The following COMP variants were observed in gnomAD, a reference collection of about 807,000 sequenced individuals.
COMP encodes cartilage oligomeric matrix protein (pseudoachondroplasia, epiphyseal dysplasia 1, multiple).
Under a neutral mutation model 95.8 loss-of-function variants are expected in COMP, and 79 were observed. The ratio of observed to expected loss-of-function variants is 0.82; its 90% CI spans 0.69 to 0.99. The LOEUF is 0.99. COMP is among the 50% of genes least tolerant of loss of function. The probability of loss-of-function intolerance (pLI) is 0.00; values close to 1 mark genes in which losing one functional copy is unlikely to be tolerated. For synonymous variants in COMP, 438 were observed against 433.9 expected (o/e 1.01, Z -0.12); for missense variants, 906 against 1,076.1 (o/e 0.84, Z 2.21).
chr19:18,785,457 G>T, intron 15 of COMP, 41 bp downstream of exon 15: 1 of 1,611,218 alleles, frequency 6.2e-7, no homozygotes, highest in Non-Finnish European at 8.5e-7. Flanking sequence ...CTCTCCCTGA[G>T]CCCGCTCCGT....
At position 18,790,566 on chromosome 19, in the gene COMP, C is replaced by A; in HGVS notation, c.213G>T (p.Ala71=). The change falls in exon 3 of 19, where the codon GCG becomes GCT. Residue 71 remains alanine, a synonymous_variant. Coordinates refer to ENST00000222271, the MANE Select transcript of COMP (RefSeq NM_000095.3). ...CGACCGCCCCGCCGCGCTCACCGCACGCGTCACACTCCATCACCGTGTTTT... is the reference window on the plus strand; with the variant it reads ...CGACCGCCCCGCCGCGCTCACCGCAAGCGTCACACTCCATCACCGTGTTTT... ...FLKNTVMECD[A]CGMQQSVRTG... The A allele has an allele frequency of 6.2e-7, 1 of 1,613,924 alleles. No homozygotes were observed. The highest frequency in any genetic ancestry group is 8.5e-7 in the Non-Finnish European group (1 of 1,179,902).
chr19:18,785,728 A>G lies in COMP; in HGVS notation c.1613T>C (p.Val538Ala). Reference sequence around the variant, plus strand: ...CTGCGCGTCACCCTCCGGGTCCAGCACGACTGTCTGGAAGGCCCTGAAGTC... The same window carrying G: ...CTGCGCGTCACCCTCCGGGTCCAGCGCGACTGTCTGGAAGGCCCTGAAGTC... Reference protein sequence around the residue: ...LTDFRAFQTVVLDPEGDAQID... With the variant: ...LTDFRAFQTVALDPEGDAQID... The change falls in exon 14 of 19, where the codon GTG becomes GCG. Residue 538 changes from valine (V) to alanine (A), a missense_variant. Physicochemically the swap from Val to Ala is moderately conservative, Grantham distance 64 (BLOSUM62 0). Transcript: ENST00000222271. 1 of 1,613,536 alleles carries G rather than the reference A, an allele frequency of 6.2e-7. No individual in the cohort carries two copies. Among genetic ancestry groups the G allele is most frequent in the South Asian group, 1.1e-5 (1 of 91,082 alleles).
At chr19:18,783,223 G>C in intron 17 of COMP, 30 bp from the exon 18 acceptor site, 3 of 1,603,058 alleles carry the variant, frequency 1.9e-6, no homozygotes, top group South Asian at 2.2e-5. Context: ...AGGCCTGGGG[G>C]ACCTGGGCCA....
rs200870935 is a variant in COMP, at chr19:18,785,707, G to A, written c.1634C>T (p.Ala545Val). Residue 545 changes from alanine to valine, a missense_variant, in exon 14 of 19, where the codon GCG becomes GTG. Ala to Val is a moderately conservative substitution (Grantham distance 64, BLOSUM62 0). Transcript: ENST00000222271. ...QTVVLDPEGD[A>V]QIDPNWVVLN... is the part of the protein sequence containing the mutation. Reference sequence around the variant, plus strand: ...CACCACCCAGTTGGGGTCAATCTGCGCGTCACCCTCCGGGTCCAGCACGAC... The same window carrying A: ...CACCACCCAGTTGGGGTCAATCTGCACGTCACCCTCCGGGTCCAGCACGAC... The A allele has an allele frequency of 3.7e-6, 6 of 1,613,372 alleles. No homozygotes were observed. The Admixed American group carries it at 8.3e-5, about 22-fold the overall frequency.
chr19:18,789,370 C>G lies in COMP; in HGVS notation c.391-73G>C, dbSNP rs2055193859. On this transcript the variant is annotated intron_variant, in intron 4 of 18. Transcript: ENST00000222271. The surrounding 1 kb of genome is among the most constrained non-coding windows in gnomAD (Gnocchi z 6.1). ...CTGGGGGCCGCACCTCGTAGTGTCT[C>G]GGATGTGGAAAGTTCAAGGGCCATA... 3 of 1,381,100 alleles carry G rather than the reference C, an allele frequency of 2.2e-6. No homozygotes were observed. Among genetic ancestry groups the G allele is most frequent in the Non-Finnish European group, 2.8e-6 (3 of 1,052,634 alleles). 85.6% of individuals were successfully genotyped at this position (1,381,100 alleles called of 1,614,324 possible).
chr19:18,782,907 C>T lies in COMP; in HGVS notation c.*8G>A, dbSNP rs762720044. The T allele has an allele frequency of 1.4e-5, 22 of 1,610,994 alleles. No homozygotes were observed. The highest frequency in any genetic ancestry group is 1.8e-5 in the Non-Finnish European group (21 of 1,179,980). Reference sequence around the variant, plus strand: ...TGGCTGTCATCCGGCGGGTCCTCACCCTGGTCCCTAGGCTTGCCGCAGCTG... The same window carrying T: ...TGGCTGTCATCCGGCGGGTCCTCACTCTGGTCCCTAGGCTTGCCGCAGCTG... On this transcript the variant is annotated 3_prime_UTR_variant, in exon 19 of 19. Coordinates refer to ENST00000222271, the MANE Select transcript of COMP (RefSeq NM_000095.3).
chr19:18,788,218 A>C lies in COMP; in HGVS notation c.969T>G (p.Asn323Lys). ...DPDADGDGVP[N>K]EKDNCPLVRN... ...TGCCGAGCCGTAGATCTACCTTTTCATTGGGGACCCCGTCCCCGTCGGCAT... is the reference window on the plus strand; with the variant it reads ...TGCCGAGCCGTAGATCTACCTTTTCCTTGGGGACCCCGTCCCCGTCGGCAT... The change falls in exon 9 of 19, where the codon AAT (asparagine) becomes AAG (lysine). Residue 323 changes from asparagine (N) to lysine (K), a missense_variant. Asn to Lys is a moderately conservative substitution (Grantham distance 94). Transcript: ENST00000222271. The surrounding 1 kb of genome is among the most constrained non-coding windows in gnomAD (Gnocchi z 4.7). The C allele has an allele frequency of 6.2e-7, 1 of 1,612,436 alleles. No individual in the cohort carries two copies. The highest frequency in any genetic ancestry group is 8.5e-7 in the Non-Finnish European group (1 of 1,179,528).
At position 18,785,553 on chromosome 19, in the gene COMP, G is replaced by A. The variant is rs1479938375; in HGVS notation, c.1669-7C>T. On this transcript the variant is annotated splice_polypyrimidine_tract_variant and splice_region_variant and intron_variant, in intron 14 of 18. Transcript: ENST00000222271. ...TCTGCACGATCTCCCTTCCCTGATGGGGTCAAAGAAAGGAGGGCCTCAGGC... is the reference window on the plus strand; with the variant it reads ...TCTGCACGATCTCCCTTCCCTGATGAGGTCAAAGAAAGGAGGGCCTCAGGC... 2.5e-6 allele frequency: 4 copies of A among 1,614,034 alleles called. No individual in the cohort carries two copies. Among genetic ancestry groups the A allele is most frequent in the Non-Finnish European group, 1.7e-6 (2 of 1,180,030 alleles).
intron 1 of COMP, 57 bp downstream of exon 1, chr19:18,791,134 G>C (rs936692220): frequency 4.5e-6 from 7 of 1,541,964 alleles, no homozygotes; most frequent in Non-Finnish European, 6.1e-6. Context: ...GGCCTCTCAC[G>C]GGTCCTACAG....
Position 18,786,026 on chromosome 19 carries a change from T to G in COMP, c.1428A>C (p.Gly476=). 6.2e-7 allele frequency: 1 copy of G among 1,613,476 alleles called. No homozygotes were observed. Among genetic ancestry groups the G allele is most frequent in the Non-Finnish European group, 8.5e-7 (1 of 1,179,954 alleles). ...DACDDDDDND[G]VPDSRDNCRL... ...GGCAGTTGTCCCGACTGTCAGGGAC[T>G]CCGTCATTGTCGTCGTCGTCGTCGC... Residue 476 remains glycine, a synonymous_variant, in exon 13 of 19, where the codon GGA becomes GGC. Coordinates refer to ENST00000222271, the MANE Select transcript of COMP (RefSeq NM_000095.3).
intron 9 of COMP, among the ~76,000 whole-genome samples, chr19:18,787,890 C>T (rs983637870): frequency 1.2e-5 from 1 of 86,202 alleles, no homozygotes; most frequent in African/African-American, 3.8e-5. Flanking sequence ...TTCTTTCTTT[C>T]TTTCTTTCTT....
In COMP at chr19:18,790,034, C is replaced by T. The variant is rs1462257769; in HGVS notation, c.298G>A (p.Val100Met). Reference protein sequence around the residue: ...HCAPGFCFPGVACIQTESGAR... With the variant: ...HCAPGFCFPGMACIQTESGAR... ...CCGCTCTCCGTCTGGATGCAGGCCA[C>T]GCCGGGGAAGCAGAAGCCGGGCGCG... Residue 100 changes from valine (V) to methionine (M), a missense_variant, in exon 4 of 19, where the codon GTG (valine) becomes ATG (methionine). Val to Met is a conservative substitution (Grantham distance 21). Transcript: ENST00000222271. 6.4e-7 allele frequency: 1 copy of T among 1,574,374 alleles called. No homozygotes were observed. Among genetic ancestry groups the T allele is most frequent in the Non-Finnish European group, 8.6e-7 (1 of 1,166,612 alleles).
At position 18,786,382 on chromosome 19, in the gene COMP, G is replaced by A. The variant is rs2055167521; in HGVS notation, c.1255-91C>T. ...CCAGCCGCACAGCCAAGGTCCTCCT[G>A]ACCCCAAGGAAACCCCCACCGCAGG... On this transcript the variant is annotated intron_variant, in intron 11 of 18. Transcript: ENST00000222271. 17 of 1,586,954 alleles carry A rather than the reference G, an allele frequency of 1.1e-5. No homozygotes were observed. The South Asian group carries it at 1.8e-4, about 17-fold the overall frequency.
In COMP at chr19:18,789,031, C is replaced by G; in HGVS notation, c.529-118G>C. On this transcript the variant is annotated intron_variant, in intron 5 of 18. Coordinates refer to ENST00000222271, the MANE Select transcript of COMP (RefSeq NM_000095.3). The surrounding 1 kb of genome is among the most constrained non-coding windows in gnomAD (Gnocchi z 6.1). Reference sequence around the variant, plus strand: ...TCCATCCTGCCCCAAACCGATCAGCCCTGGCGCAGCGGACCCCTCCTCTCC... The same window carrying G: ...TCCATCCTGCCCCAAACCGATCAGCGCTGGCGCAGCGGACCCCTCCTCTCC... 1.3e-6 allele frequency: 2 copies of G among 1,539,878 alleles called. No individual in the cohort carries two copies. Among genetic ancestry groups the G allele is most frequent in the Non-Finnish European group, 1.8e-6 (2 of 1,132,472 alleles).
chr19:18,788,271 C>T lies in COMP; in HGVS notation c.916G>A (p.Asp306Asn), dbSNP rs963161012. The change falls in exon 9 of 19, where the codon GAT becomes AAT. Residue 306 changes from aspartate (D) to asparagine (N), a missense_variant. Physicochemically the swap from Asp to Asn is conservative, Grantham distance 23. Coordinates refer to ENST00000222271, the MANE Select transcript of COMP (RefSeq NM_000095.3). The surrounding 1 kb of genome is among the most constrained non-coding windows in gnomAD (Gnocchi z 4.7). ...GGATCGCAGGCGTCTCCGATGCCAT[C>T]GCGGTCCACATCCTCCTGCCCTGAG... The part of the protein sequence containing the change: ...PNSGQEDVDR[D>N]GIGDACDPDA... 6 of 1,613,250 alleles carry T rather than the reference C, an allele frequency of 3.7e-6. No homozygotes were observed. Among genetic ancestry groups the T allele is most frequent in the Middle Eastern group, 1.6e-4 (1 of 6,062 alleles).
Position 18,788,751 on chromosome 19 carries a change from C to A in COMP, c.604-1G>T. The A allele has an allele frequency of 6.4e-7, 1 of 1,574,658 alleles. No homozygotes were observed. Among genetic ancestry groups the A allele is most frequent in the South Asian group, 1.1e-5 (1 of 87,400 alleles). On this transcript the variant is annotated splice_acceptor_variant, in intron 6 of 18. Coordinates refer to ENST00000222271, the MANE Select transcript of COMP (RefSeq NM_000095.3). LOFTEE classifies it high-confidence loss of function. The surrounding 1 kb of genome is among the most constrained non-coding windows in gnomAD (Gnocchi z 4.7). Reference sequence around the variant, plus strand: ...GGCACGGGCCGCACTGGAAGGAGCCCTGCGCCGGAGCCGCCGGAGGTCAGC... The same window carrying A: ...GGCACGGGCCGCACTGGAAGGAGCCATGCGCCGGAGCCGCCGGAGGTCAGC...
In COMP at chr19:18,784,459, G is replaced by A. The variant is rs80188831; in HGVS notation, c.1915-96C>T. 0.011 allele frequency: 15,627 copies of A among 1,419,210 alleles called. 110 individuals are homozygous for A. Among genetic ancestry groups the A allele is most frequent in the Non-Finnish European group, 0.013 (13,548 of 1,018,166 alleles). 87.9% of individuals were successfully genotyped at this position (1,419,210 alleles called of 1,614,324 possible). A position where few individuals can be genotyped will look rare whatever the true frequency, so the allele number is the denominator to read the frequency against. ...GAGACAGTTGGGAGCAGCAGGTGGTGGGCGGCCAGGGGGATCCGGATGAGA... is the reference window on the plus strand; with the variant it reads ...GAGACAGTTGGGAGCAGCAGGTGGTAGGCGGCCAGGGGGATCCGGATGAGA... On this transcript the variant is annotated intron_variant, in intron 16 of 18. Coordinates refer to ENST00000222271, the MANE Select transcript of COMP (RefSeq NM_000095.3). The surrounding 1 kb of genome is among the most constrained non-coding windows in gnomAD (Gnocchi z 4.9).
chr19:18,790,159 C>T (rs1309056395), intron 3 of COMP, 45 bp from the exon 4 acceptor site: 2 of 1,433,328 alleles, frequency 1.4e-6, no homozygotes, highest in Non-Finnish European at 9.3e-7. Context: ...ATCGGTGGCT[C>T]GCCCGGGGGC....
At position 18,790,587 on chromosome 19, in the gene COMP, GTTTTT is replaced by G; in HGVS notation, c.187_191del (p.Lys63HisfsTer6). 1 of 1,613,856 alleles carries G rather than the reference GTTTTT, an allele frequency of 6.2e-7. No individual in the cohort carries two copies. Among genetic ancestry groups the G allele is most frequent in the Non-Finnish European group, 8.5e-7 (1 of 1,179,872 alleles). Reference sequence around the variant, plus strand: ...CGCACGCGTCACACTCCATCACCGTGTTTTTCAGGAACGTGATCTCCCTGACCTGC... The same window carrying G: ...CGCACGCGTCACACTCCATCACCGTGCAGGAACGTGATCTCCCTGACCTGC... On this transcript the variant is annotated frameshift_variant, in exon 3 of 19. Coordinates refer to ENST00000222271, the MANE Select transcript of COMP (RefSeq NM_000095.3). LOFTEE classifies it high-confidence loss of function.
Sources: allele counts gnomAD v4.1 joint callset (sites outside exome capture counted in the v4.1 genomes callset), GRCh38; gene constraint gnomAD v4.1.1; non-coding constraint Gnocchi (gnomAD v3.1); transcripts MANE v1.5; gene names NCBI Gene and HGNC (gene_info 2026-07-23, HGNC 2026-07-21).